ANO3: variants seen among roughly 807,000 people sequenced by gnomAD.
ANO3 encodes the protein anoctamin-3.
Under a neutral mutation model 144.8 loss-of-function variants are expected in ANO3, and 99 were observed. That is an observed-to-expected ratio of 0.68 (90% CI 0.58 to 0.81). The LOEUF is 0.81. Ranked by LOEUF, ANO3 falls within the 30% of genes least tolerant of loss-of-function variation. The pLI is 0.00. For missense variants in ANO3, 905 were observed against 1,202.2 expected, an observed-to-expected ratio of 0.75 and a Z score of 3.66; for synonymous variants, 414 against 392.6, an observed-to-expected ratio of 1.05 and a Z score of -0.64.
intron 4 of ANO3, among the ~76,000 whole-genome samples, chr11:26,480,084 A>G (rs1860150524): frequency 1.3e-5 from 2 of 152,206 alleles, no homozygotes; most frequent in African/African-American, 4.8e-5. Flanking sequence ...ACCGCGTGGG[A>G]GAAATGGGCT....
chr11:26,603,078 T>C (rs1851844219), intron 17 of ANO3, among the ~76,000 whole-genome samples: 1 of 152,186 alleles, frequency 6.6e-6, no homozygotes, highest in Admixed American at 6.5e-5. Flanking sequence ...AATAAAAAGA[T>C]AATTACCTGT....
chr11:26,252,349 TCTTTTTG>T (rs1852947741), intron 1 of ANO3, among the ~76,000 whole-genome samples: 1 of 151,866 alleles, frequency 6.6e-6, no homozygotes, highest in African/African-American at 2.4e-5. Context: ...TTTTCTTTTT[TCTTTTTG>T]CTCTCCAGGC....
At chr11:26,642,795 C>G (rs1169596213) in intron 22 of ANO3, among the ~76,000 whole-genome samples, 1 of 127,082 alleles carries the variant, frequency 7.9e-6, no homozygotes, top group Non-Finnish European at 1.9e-5. Flanking sequence ...CCTCTTCTTT[C>G]TCTTTCTTCT....
intron 1 of ANO3, among the ~76,000 whole-genome samples, chr11:26,343,281 T>G (rs1429208077): frequency 6.6e-6 from 1 of 152,244 alleles, no homozygotes; most frequent in Non-Finnish European, 1.5e-5. Flanking sequence ...TCACATTTCT[T>G]TATGCATTCA....
chr11:26,584,602 A>T (rs892691452), intron 14 of ANO3, among the ~76,000 whole-genome samples: 1 of 152,238 alleles, frequency 6.6e-6, no homozygotes, highest in African/African-American at 2.4e-5. Flanking sequence ...GCACTAAAAA[A>T]GCTAAGGAAA....
chr11:26,320,966 C>T (rs941732376), intron 1 of ANO3, among the ~76,000 whole-genome samples: 8 of 152,100 alleles, frequency 5.3e-5, no homozygotes, highest in African/African-American at 1.9e-4. Flanking sequence ...TTCATTCCAT[C>T]TTGCTTTGCA....
intron 1 of ANO3, among the ~76,000 whole-genome samples, chr11:26,317,864 C>T (rs956013743): frequency 6.6e-6 from 1 of 152,090 alleles, no homozygotes; most frequent in African/African-American, 2.4e-5. Flanking sequence ...AACCCAAATG[C>T]CCATCAATGA....
intron 1 of ANO3, among the ~76,000 whole-genome samples, chr11:26,336,159 C>T (rs1252157571): frequency 6.6e-6 from 1 of 152,186 alleles, no homozygotes; most frequent in African/African-American, 2.4e-5. Context: ...TCTTCCTAGC[C>T]TGGCTTTCCA....
chr11:26,205,017 C>T (rs547058440), intron 1 of ANO3, among the ~76,000 whole-genome samples: 1 of 152,172 alleles, frequency 6.6e-6, no homozygotes, highest in East Asian at 1.9e-4. Context: ...AAAGAGGAAC[C>T]AAACGAGTCC....
intron 1 of ANO3, among the ~76,000 whole-genome samples, chr11:26,363,699 A>G (rs1214939381): frequency 6.6e-6 from 1 of 152,102 alleles, no homozygotes; most frequent in East Asian, 1.9e-4. Flanking sequence ...ATGAGGATAT[A>G]TTCTTGGGTT....
At chr11:26,640,094 CCTGCAAT>C (rs1853099765) in intron 21 of ANO3, among the ~76,000 whole-genome samples, 1 of 151,910 alleles carries the variant, frequency 6.6e-6, no homozygotes, top group South Asian at 2.1e-4. Context: ...TGATATTAAC[CCTGCAAT>C]CTGCTATAAA....
intron 4 of ANO3, among the ~76,000 whole-genome samples, chr11:26,506,224 G>A (rs1255811995): frequency 1.3e-5 from 2 of 151,978 alleles, no homozygotes; most frequent in African/African-American, 2.4e-5. Flanking sequence ...AACTACTCAA[G>A]CCTCATTCCT....
chr11:26,564,730 C>CATATAT (rs1850477575), intron 14 of ANO3, among the ~76,000 whole-genome samples: 1 of 24,012 alleles, frequency 4.2e-5, no homozygotes, highest in African/African-American at 1.8e-4. Context: ...CACACACACA[C>CATATAT]ACATATATAT....
chr11:26,532,488 A>T (rs2134186692), intron 8 of ANO3, among the ~76,000 whole-genome samples: 1 of 152,246 alleles, frequency 6.6e-6, no homozygotes, highest in South Asian at 2.1e-4. Flanking sequence ...AGACTCTGAA[A>T]CAGTTTCCCA....
intron 1 of ANO3, among the ~76,000 whole-genome samples, chr11:26,363,140 T>C (rs1855972354): frequency 1.3e-5 from 2 of 152,192 alleles, no homozygotes; most frequent in African/African-American, 4.8e-5. Context: ...TAGTTCTTTT[T>C]TCATCCTTCA....
intron 4 of ANO3, among the ~76,000 whole-genome samples, chr11:26,483,107 A>C (rs1195488218): frequency 2.6e-5 from 4 of 151,780 alleles, no homozygotes; most frequent in Non-Finnish European, 5.9e-5. Flanking sequence ...AGAATGCTGG[A>C]TCCAATGGTA....
intron 6 of ANO3, among the ~76,000 whole-genome samples, chr11:26,525,378 A>G (rs183743796): frequency 1.3e-5 from 2 of 151,250 alleles, no homozygotes; most frequent in African/African-American, 4.9e-5. Context: ...AAATAGAATT[A>G]AAAATAATTC....
At chr11:26,220,618 A>G (rs1033721343) in intron 1 of ANO3, among the ~76,000 whole-genome samples, 2 of 152,218 alleles carry the variant, frequency 1.3e-5, no homozygotes, top group Admixed American at 6.5e-5. Context: ...AGGCATTCTC[A>G]TTGGAGGAGA....
intron 17 of ANO3, among the ~76,000 whole-genome samples, chr11:26,616,250 C>G (rs1852258286): frequency 6.6e-6 from 1 of 152,086 alleles, no homozygotes; most frequent in Admixed American, 6.6e-5. Flanking sequence ...CACTCATCTC[C>G]CTTCTTACTA....
Sources: allele counts gnomAD v4.1 joint callset (sites outside exome capture counted in the v4.1 genomes callset), GRCh38; gene constraint gnomAD v4.1.1; transcripts MANE v1.5; gene names NCBI Gene and HGNC (gene_info 2026-07-23, HGNC 2026-07-21).